The following CENPC variants were observed in gnomAD, a reference collection of about 807,000 sequenced individuals.
CENPC encodes the protein CENP-C 1.
A neutral mutation model predicts 112.1 loss-of-function variants in CENPC; 63 were observed. That is an observed-to-expected ratio of 0.56 (90% CI 0.46 to 0.69). CENPC has a LOEUF of 0.69. Ranked by LOEUF, CENPC falls within the 30% of genes least tolerant of loss-of-function variation. The pLI is 0.00. For synonymous variants in CENPC, 333 were observed against 367.6 expected (o/e 0.91, Z 1.08); for missense variants, 1,000 against 1,103.8 (o/e 0.91, Z 1.33).
intron 5 of CENPC, among the ~76,000 whole-genome samples, chr4:67,528,231 G>C (rs188771148): frequency 6.6e-6 from 1 of 152,194 alleles, no homozygotes; most frequent in Admixed American, 6.5e-5. Context: ...AGTACAGTTA[G>C]GATTAACCTT....
chr4:67,508,909 G>A lies in CENPC; in HGVS notation c.1809C>T (p.Ile603=), dbSNP rs1725811977. ...KFLNAEGSGG[I]VGHDEISRCS... is the part of the protein sequence containing the mutation. The stretch of plus-strand genomic sequence containing the variant: ...ATCTGGAAATTTCATCATGACCAAC[G>A]ATACCTCCAGAACCTTCAGCATTTA... The change falls in exon 10 of 19, where the codon ATC becomes ATT. Residue 603 remains isoleucine (I), a synonymous_variant. Transcript: ENST00000273853. The A allele has an allele frequency of 3.7e-6, 6 of 1,613,562 alleles. No homozygotes were observed. The highest frequency in any genetic ancestry group is 2.2e-5 in the East Asian group (1 of 44,854).
chr4:67,541,634 T>C (rs1726892556), intron 2 of CENPC, among the ~76,000 whole-genome samples: 1 of 152,234 alleles, frequency 6.6e-6, no homozygotes, highest in East Asian at 1.9e-4. Flanking sequence ...AGGATACTGA[T>C]ATTGATACAA....
At chr4:67,510,715 A>G (rs1030127645) in intron 9 of CENPC, 2 of 289,542 alleles carry the variant, frequency 6.9e-6, no homozygotes, top group African/African-American at 2.2e-5. Flanking sequence ...ACATTTCTTC[A>G]TATATATGGA....
rs1724652200 is a variant in CENPC at position 67,471,217 on chromosome 4, AG to A, written c.*1387del. The A allele has an allele frequency of 6.6e-6, 1 of 152,250 alleles. No individual in the cohort carries two copies. Among genetic ancestry groups the A allele is most frequent in the Admixed American group, 6.5e-5 (1 of 15,288 alleles). The allele number at this position is 152,250 out of a possible 1,614,324, so 9.4% of individuals were successfully genotyped here. On this transcript the variant is annotated 3_prime_UTR_variant, in exon 19 of 19. Transcript: ENST00000273853. ...CAAGCAAGAATAAATATTGAAATAA[AG>A]AACTTAAAAACTGAGCACAGACAGC... is the stretch of plus-strand genomic sequence containing the variant.
chr4:67,530,544 G>C (rs751876628), intron 5 of CENPC, among the ~76,000 whole-genome samples: 1 of 151,626 alleles, frequency 6.6e-6, no homozygotes, highest in African/African-American at 2.4e-5. Context: ...ACTCAATGGA[G>C]TAACACTCTT....
At chr4:67,518,019 G>C (rs561172703) in intron 7 of CENPC, 137 bp downstream of exon 7, 22 of 522,730 alleles carry the variant, frequency 4.2e-5, no homozygotes, top group Non-Finnish European at 7.2e-5. Flanking sequence ...TCTCCTTACA[G>C]GTCAGAAAAA....
At chr4:67,537,890 G>A (rs1010184204) in intron 4 of CENPC, among the ~76,000 whole-genome samples, 3 of 152,098 alleles carry the variant, frequency 2.0e-5, no homozygotes, top group South Asian at 2.1e-4. Context: ...AGGCTGAGAC[G>A]GAAGGGTTTG....
At chr4:67,473,138 C>T (rs1441595911) in intron 18 of CENPC, among the ~76,000 whole-genome samples, 2 of 151,816 alleles carry the variant, frequency 1.3e-5, no homozygotes, top group Non-Finnish European at 2.9e-5. Flanking sequence ...CTATATTGCC[C>T]AGGCAGGTCT....
At chr4:67,524,318 T>A (rs1054016861) in intron 5 of CENPC, among the ~76,000 whole-genome samples, 4 of 152,136 alleles carry the variant, frequency 2.6e-5, no homozygotes, top group Admixed American at 2.6e-4. Flanking sequence ...TATTGGAAGT[T>A]CTGGCCATGG....
intron 12 of CENPC, among the ~76,000 whole-genome samples, chr4:67,503,657 AT>A (rs1725653895): frequency 6.6e-6 from 1 of 152,174 alleles, no homozygotes; most frequent in South Asian, 2.1e-4. Flanking sequence ...ATTCAAAAAA[AT>A]ATATCCACTT....
chr4:67,513,970 T>A (rs1725971780), intron 8 of CENPC, 104 bp downstream of exon 8: 1 of 1,075,638 alleles, frequency 9.3e-7, no homozygotes, highest in Non-Finnish European at 1.3e-6. Flanking sequence ...GGCTCTTTGT[T>A]CATTTAGGTT....
chr4:67,520,313 T>C (rs993349984), intron 5 of CENPC, among the ~76,000 whole-genome samples: 4 of 152,174 alleles, frequency 2.6e-5, no homozygotes, highest in Non-Finnish European at 2.9e-5. Context: ...CAATCATAGA[T>C]GGCAGGCGGT....
chr4:67,511,500 T>C (rs1725890920), intron 9 of CENPC, among the ~76,000 whole-genome samples: 1 of 152,172 alleles, frequency 6.6e-6, no homozygotes, highest in African/African-American at 2.4e-5. Flanking sequence ...GCAAAGCAGG[T>C]CTGAGTATAC....
chr4:67,514,648 C>A lies in CENPC; in HGVS notation c.870G>T (p.Ser290=). 1 of 1,608,542 alleles carries A rather than the reference C, an allele frequency of 6.2e-7. No homozygotes were observed. Among genetic ancestry groups the A allele is most frequent in the South Asian group, 1.1e-5 (1 of 90,030 alleles). The change falls in exon 8 of 19, where the codon TCG becomes TCT. Residue 290 remains serine (S), a synonymous_variant. Coordinates refer to ENST00000273853, the MANE Select transcript of CENPC (RefSeq NM_001812.4). ...VRHAATAPPH[S]CPPDDTKLIE... is the part of the protein sequence containing the mutation. ...TCAACTTCGTATCATCGGGAGGACA[C>A]GAATGAGGTGGAGCAGTTGCCGCAT...
chr4:67,490,059 T>C lies in CENPC; in HGVS notation c.2578A>G (p.Lys860Glu). ...FVKHGELKVY[K>E]TLDTPFFSTG... ...GAAAAAAAGGGTGTATCCAATGTCT[T>C]GTATACCTTCAACTCACCATGCTTA... Residue 860 changes from lysine (K) to glutamate (E), a missense_variant, in exon 17 of 19, where the codon AAG (lysine) becomes GAG (glutamate). By Grantham distance (56) the Lys-to-Glu change is moderately conservative (BLOSUM62 1). Transcript: ENST00000273853. 1 of 1,610,940 alleles carries C rather than the reference T, an allele frequency of 6.2e-7. No homozygotes were observed. Among genetic ancestry groups the C allele is most frequent in the East Asian group, 2.2e-5 (1 of 44,730 alleles).
intron 4 of CENPC, among the ~76,000 whole-genome samples, chr4:67,539,315 G>A (rs1726815893): frequency 6.6e-6 from 1 of 152,088 alleles, no homozygotes; most frequent in Admixed American, 6.6e-5. Flanking sequence ...GTTACTTCTA[G>A]CACTATATGA....
chr4:67,497,109 G>A (rs533418461), intron 12 of CENPC, among the ~76,000 whole-genome samples: 69 of 152,260 alleles, frequency 4.5e-4, no homozygotes, highest in African/African-American at 1.4e-3. Context: ...GCCAGGCGCA[G>A]TGGCTCACAA....
chr4:67,501,122 A>T (rs928170432), intron 12 of CENPC, among the ~76,000 whole-genome samples: 3 of 152,178 alleles, frequency 2.0e-5, no homozygotes, highest in Non-Finnish European at 2.9e-5. Context: ...AGCCTGGCCA[A>T]CAAGGTGAAA....
intron 17 of CENPC, among the ~76,000 whole-genome samples, chr4:67,478,775 C>T (rs1035001476): frequency 2.0e-5 from 3 of 152,002 alleles, no homozygotes; most frequent in East Asian, 1.9e-4. Flanking sequence ...AGATACAGAA[C>T]GGCAGAATGC....
Sources: allele counts gnomAD v4.1 joint callset (sites outside exome capture counted in the v4.1 genomes callset), GRCh38; gene constraint gnomAD v4.1.1; transcripts MANE v1.5; gene names NCBI Gene and HGNC (gene_info 2026-07-23, HGNC 2026-07-21).